The following WDHD1 variants were observed in gnomAD, a reference collection of about 807,000 sequenced individuals.
WDHD1 encodes the protein WD repeat and HMG-box DNA binding protein 1.
Under a neutral mutation model 135.4 loss-of-function variants are expected in WDHD1, and 111 were observed. That is an observed-to-expected ratio of 0.82 (90% CI 0.70 to 0.96). The LOEUF is 0.96. Among genes scored for constraint, WDHD1 ranks in the 40% least tolerant of loss-of-function variants. The pLI, the probability that WDHD1 is intolerant of heterozygous loss-of-function variation, is 0.00. For missense variants in WDHD1, 1,351 were observed against 1,336.3 expected (o/e 1.01, Z -0.17); for synonymous variants, 434 against 439.0 (o/e 0.99, Z 0.14).
Position 54,967,279 on chromosome 14 carries a change from C to T in WDHD1, c.2178+1G>A. 1 of 1,606,192 alleles carries T rather than the reference C, an allele frequency of 6.2e-7. No individual in the cohort carries two copies. Among genetic ancestry groups the T allele is most frequent in the Non-Finnish European group, 8.5e-7 (1 of 1,174,476 alleles). ...AGTGTCAAGGTAAGACTTCCACATA[C>T]CTCCATTTGTCCTTTCTCTGTTGCA... is the stretch of plus-strand genomic sequence containing the variant. On this transcript the variant is annotated splice_donor_variant, in intron 17 of 25. Transcript: ENST00000360586. LOFTEE classifies it high-confidence loss of function.
intron 7 of WDHD1, chr14:55,005,715 G>T: frequency 2.2e-6 from 1 of 452,720 alleles, no homozygotes. Flanking sequence ...AAGTTACGAT[G>T]GGAATCCAGA....
intron 12 of WDHD1, 133 bp from the exon 13 acceptor site, chr14:54,989,345 T>G (rs1368294386): frequency 7.0e-6 from 4 of 575,422 alleles, no homozygotes; most frequent in Non-Finnish European, 1.2e-5. Context: ...AGTTACTACA[T>G]CTCATCTATC....
intron 24 of WDHD1, among the ~76,000 whole-genome samples, chr14:54,949,045 T>C (rs140392395): frequency 1.3e-4 from 20 of 151,824 alleles, no homozygotes; most frequent in South Asian, 2.1e-4. Context: ...ACCATAAAGA[T>C]TGGGGAAAAA....
chr14:54,972,207 G>A (rs374098293), intron 16 of WDHD1, among the ~76,000 whole-genome samples: 1 of 148,660 alleles, frequency 6.7e-6, no homozygotes, highest in African/African-American at 2.5e-5. Flanking sequence ...CCCGGGAGGC[G>A]GAGCTTGCGG....
intron 24 of WDHD1, among the ~76,000 whole-genome samples, chr14:54,950,339 C>G (rs2041023159): frequency 6.6e-6 from 1 of 152,016 alleles, no homozygotes; most frequent in Non-Finnish European, 1.5e-5. Flanking sequence ...GCAGGGGTTG[C>G]AATCCTAGTC....
chr14:55,025,389 C>T (rs927287871), intron 2 of WDHD1, among the ~76,000 whole-genome samples: 3 of 151,630 alleles, frequency 2.0e-5, no homozygotes, highest in Admixed American at 6.6e-5. Context: ...GCTGGTTCCC[C>T]GGGTCCCCTT....
chr14:54,980,667 G>A (rs2041602916), intron 16 of WDHD1, among the ~76,000 whole-genome samples: 1 of 152,034 alleles, frequency 6.6e-6, no homozygotes. Flanking sequence ...AGCTGGGCAT[G>A]GTGGCACATG....
intron 13 of WDHD1, 51 bp downstream of exon 13, chr14:54,988,977 G>A (rs376626739): frequency 2.7e-6 from 4 of 1,465,926 alleles, no homozygotes; most frequent in African/African-American, 1.4e-5. Flanking sequence ...TTCAACAACT[G>A]TATCTAACAG....
chr14:55,010,516 G>C (rs2042151791), intron 3 of WDHD1, 56 bp from the exon 4 acceptor site: 1 of 1,381,376 alleles, frequency 7.2e-7, no homozygotes, highest in East Asian at 2.6e-5. Flanking sequence ...ATGACTGGGA[G>C]TCTCTCCATA....
At chr14:54,971,365 C>G (rs1389850734) in intron 16 of WDHD1, among the ~76,000 whole-genome samples, 1 of 151,950 alleles carries the variant, frequency 6.6e-6, no homozygotes, top group African/African-American at 2.4e-5. Context: ...TTACTTGAGC[C>G]CAGGAGTTTG....
chr14:54,966,428 A>G (rs776094196), intron 18 of WDHD1, 47 bp downstream of exon 18: 1 of 1,563,458 alleles, frequency 6.4e-7, no homozygotes, highest in Non-Finnish European at 8.6e-7. Flanking sequence ...TTCAACCTAT[A>G]GAAAAGCATT....
chr14:54,948,827 C>A (rs1418141384), intron 24 of WDHD1, among the ~76,000 whole-genome samples: 8 of 152,178 alleles, frequency 5.3e-5, no homozygotes, highest in Non-Finnish European at 1.2e-4. Flanking sequence ...AATGACCAGG[C>A]AGCAACATTT....
rs1201577918 is a variant in WDHD1, at chr14:54,981,505, A to G, written c.2063+35T>C. 5 of 1,592,056 alleles carry G rather than the reference A, an allele frequency of 3.1e-6. No individual in the cohort carries two copies. In the South Asian group the frequency reaches 3.5e-5, roughly 11 times the overall value. ...AAAAGAATTTCAACATACTTTTTAA[A>G]AAGAGTCAACTTTAGACTTCTTTTA... On this transcript the variant is annotated intron_variant, in intron 16 of 25. Coordinates refer to ENST00000360586, the MANE Select transcript of WDHD1 (RefSeq NM_007086.4).
chr14:54,944,579 G>T, intron 24 of WDHD1, 109 bp from the exon 25 acceptor site: 48 of 809,102 alleles, frequency 5.9e-5, no homozygotes, highest in Middle Eastern at 4.4e-4. Flanking sequence ...ATTATATAAA[G>T]TAAGGAAGAC....
At chr14:54,959,058 G>T (rs1259526393) in intron 21 of WDHD1, among the ~76,000 whole-genome samples, 1 of 152,126 alleles carries the variant, frequency 6.6e-6, no homozygotes, top group Non-Finnish European at 1.5e-5. Context: ...ACTCAAGCCA[G>T]TGTTAACAAA....
rs533608416 is a variant in WDHD1 at position 55,026,628 on chromosome 14, T to C, written c.77+83A>G. On this transcript the variant is annotated intron_variant, in intron 2 of 25. Coordinates refer to ENST00000360586, the MANE Select transcript of WDHD1 (RefSeq NM_007086.4). ...ATTATTCCTCTATCCGCATGAGTCA[T>C]TTTTAGCTGACTGCACATATAAAGT... The C allele has an allele frequency of 4.9e-5, 66 of 1,359,346 alleles. 1 individual carries two copies. The South Asian group carries it at 7.6e-4, about 16-fold the overall frequency. 84.2% of individuals were successfully genotyped at this position (1,359,346 alleles called of 1,614,324 possible). A position where few individuals can be genotyped will look rare whatever the true frequency, so the allele number is the denominator to read the frequency against.
chr14:54,986,360 G>A (rs1398121926), intron 14 of WDHD1, among the ~76,000 whole-genome samples: 1 of 151,906 alleles, frequency 6.6e-6, no homozygotes, highest in Non-Finnish European at 1.5e-5. Flanking sequence ...AGAAACAGGG[G>A]CTTGCTATTG....
chr14:54,945,699 C>T (rs1425122909), intron 24 of WDHD1, among the ~76,000 whole-genome samples: 1 of 152,144 alleles, frequency 6.6e-6, no homozygotes, highest in Non-Finnish European at 1.5e-5. Flanking sequence ...CGCCACCACA[C>T]CCAGCTAATT....
intron 15 of WDHD1, among the ~76,000 whole-genome samples, chr14:54,984,033 A>G (rs927329687): frequency 6.6e-6 from 1 of 152,242 alleles, no homozygotes; most frequent in African/African-American, 2.4e-5. Context: ...ACAGACACAC[A>G]TACTAGTTAT....
Sources: allele counts gnomAD v4.1 joint callset (sites outside exome capture counted in the v4.1 genomes callset), GRCh38; gene constraint gnomAD v4.1.1; transcripts MANE v1.5; gene names NCBI Gene and HGNC (gene_info 2026-07-23, HGNC 2026-07-21).